SNTB1: variants seen among roughly 807,000 people sequenced by gnomAD.
The protein encoded by SNTB1 is syntrophin beta 1.
A neutral mutation model predicts 48.9 loss-of-function variants in SNTB1; 36 were observed. That is an observed-to-expected ratio of 0.74 (90% CI 0.56 to 0.97). SNTB1 has a LOEUF of 0.97. Among genes scored for constraint, SNTB1 ranks in the 50% least tolerant of loss-of-function variants. The pLI is 0.00. For missense variants in SNTB1, 786 were observed against 703.4 expected, an observed-to-expected ratio of 1.12 and a Z score of -1.33; for synonymous variants, 299 against 294.6, an observed-to-expected ratio of 1.01 and a Z score of -0.15.
intron 1 of SNTB1, among the ~76,000 whole-genome samples, chr8:120,792,703 T>C (rs1373423720): frequency 6.6e-6 from 1 of 152,004 alleles, no homozygotes; most frequent in Non-Finnish European, 1.5e-5. Context: ...GCTAAAATTG[T>C]AGCAAGTTTT....
intron 2 of SNTB1, among the ~76,000 whole-genome samples, chr8:120,693,246 T>C (rs1430565697): frequency 6.6e-6 from 1 of 152,092 alleles, no homozygotes; most frequent in African/African-American, 2.4e-5. Flanking sequence ...ATCTCCAACA[T>C]TGGGGATCAC....
chr8:120,737,049 G>C (rs191490649), intron 1 of SNTB1, among the ~76,000 whole-genome samples: 1 of 152,126 alleles, frequency 6.6e-6, no homozygotes, highest in South Asian at 2.1e-4. Flanking sequence ...ATGATGGAGC[G>C]GCAGTCCAAG....
At position 120,537,336 on chromosome 8, in the gene SNTB1, T is replaced by G. The variant is rs181047364; in HGVS notation, c.*1541A>C. 11 of 152,278 alleles carry G rather than the reference T, an allele frequency of 7.2e-5. No individual in the cohort carries two copies. The highest frequency in any genetic ancestry group is 2.4e-4 in the African/African-American group (10 of 41,568). 9.4% of individuals were successfully genotyped at this position (152,278 alleles called of 1,614,324 possible). ...TTTTTCAGCTCAGTATTTAGTAAAG[T>G]GTATTAACAAACCCCTGTCTCCCCC... On this transcript the variant is annotated 3_prime_UTR_variant, in exon 7 of 7. Transcript: ENST00000517992.
chr8:120,686,371 G>A (rs1818032270), intron 2 of SNTB1, among the ~76,000 whole-genome samples: 1 of 152,138 alleles, frequency 6.6e-6, no homozygotes, highest in South Asian at 2.1e-4. Context: ...CCAAGATTAA[G>A]GCACCACAGA....
chr8:120,708,254 G>A (rs1587104932), intron 1 of SNTB1, among the ~76,000 whole-genome samples: 1 of 151,590 alleles, frequency 6.6e-6, no homozygotes, highest in Admixed American at 6.6e-5. Flanking sequence ...GGTTAGTCTT[G>A]TAACTCTTAA....
intron 2 of SNTB1, among the ~76,000 whole-genome samples, chr8:120,659,254 A>G (rs9772850): frequency 0.85 from 128,909 of 152,088 alleles, 54,846 homozygotes; most frequent in Middle Eastern, 0.93. Context: ...GTGAGCCATC[A>G]TGCCTGGCTA....
chr8:120,643,614 G>A (rs1817233140), intron 2 of SNTB1, among the ~76,000 whole-genome samples: 1 of 152,174 alleles, frequency 6.6e-6, no homozygotes, highest in Non-Finnish European at 1.5e-5. Flanking sequence ...TTATATGACT[G>A]AGTAGTATTC....
chr8:120,803,865 T>C (rs187847775), intron 1 of SNTB1, among the ~76,000 whole-genome samples: 2 of 152,290 alleles, frequency 1.3e-5, no homozygotes, highest in Admixed American at 1.3e-4. Flanking sequence ...TATTCAGACT[T>C]GTAGGTCCCT....
chr8:120,653,828 A>C (rs1391801717), intron 2 of SNTB1, among the ~76,000 whole-genome samples: 1 of 151,868 alleles, frequency 6.6e-6, no homozygotes, highest in African/African-American at 2.4e-5. Context: ...TCACAAGGTC[A>C]GGAGATCGAG....
At chr8:120,696,109 A>G (rs1818207177) in intron 1 of SNTB1, among the ~76,000 whole-genome samples, 2 of 152,190 alleles carry the variant, frequency 1.3e-5, no homozygotes, top group Non-Finnish European at 2.9e-5. Context: ...AAGCTAGTAC[A>G]CTGCTTAGCT....
intron 1 of SNTB1, among the ~76,000 whole-genome samples, chr8:120,714,565 G>T (rs549551247): frequency 1.3e-5 from 2 of 151,430 alleles, no homozygotes; most frequent in Non-Finnish European, 2.9e-5. Flanking sequence ...CATTCCCAAA[G>T]ATTATTTGCA....
chr8:120,702,488 C>T (rs1258559665), intron 1 of SNTB1, among the ~76,000 whole-genome samples: 2 of 152,158 alleles, frequency 1.3e-5, no homozygotes, highest in African/African-American at 4.8e-5. Context: ...TTCTGGAAAA[C>T]TCCCTACATC....
intron 3 of SNTB1, among the ~76,000 whole-genome samples, chr8:120,625,782 C>T (rs1298296386): frequency 6.6e-6 from 1 of 152,140 alleles, no homozygotes; most frequent in East Asian, 1.9e-4. Context: ...CTACCATAAC[C>T]AATAGTCTTG....
chr8:120,632,496 GT>G lies in SNTB1; in HGVS notation c.943del (p.Thr315GlnfsTer34). On this transcript the variant is annotated frameshift_variant, in exon 3 of 7. Transcript: ENST00000517992. LOFTEE classifies it high-confidence loss of function. ...AATCTCTCGGCTCCCAGCAATGCCT[GT>G]TTTCCCCAGCTGCTCTCTGACCTCA... ...IAEVREQLGK[T>X]GIAGSREIRH... The G allele has an allele frequency of 6.2e-7, 1 of 1,614,144 alleles. No homozygotes were observed. The highest frequency in any genetic ancestry group is 8.5e-7 in the Non-Finnish European group (1 of 1,180,032).
At chr8:120,791,521 G>T (rs73325126) in intron 1 of SNTB1, among the ~76,000 whole-genome samples, 6,552 of 152,050 alleles carry the variant, frequency 0.043, 199 homozygotes, top group South Asian at 0.094. Context: ...CAGAATGGGA[G>T]AACATATTTG....
chr8:120,747,305 T>A (rs905024901), intron 1 of SNTB1, among the ~76,000 whole-genome samples: 9 of 152,160 alleles, frequency 5.9e-5, no homozygotes, highest in African/African-American at 2.2e-4. Context: ...ATTGATTTAT[T>A]TTTAAGACAG....
chr8:120,785,206 AC>A (rs1399699598), intron 1 of SNTB1, among the ~76,000 whole-genome samples: 1 of 152,164 alleles, frequency 6.6e-6, no homozygotes, highest in Non-Finnish European at 1.5e-5. Context: ...TATGACCAGA[AC>A]CATTGAGAGA....
intron 1 of SNTB1, among the ~76,000 whole-genome samples, chr8:120,737,326 A>T (rs55723447): frequency 0.13 from 19,990 of 152,124 alleles, 1,721 homozygotes; most frequent in African/African-American, 0.24. Flanking sequence ...GCATGAAAAA[A>T]CACTTTGTCG....
intron 2 of SNTB1, among the ~76,000 whole-genome samples, chr8:120,687,010 G>C (rs1430408698): frequency 6.6e-6 from 1 of 152,106 alleles, no homozygotes; most frequent in Non-Finnish European, 1.5e-5. Flanking sequence ...ACTTACAGAG[G>C]AGAAAAGACA....
Sources: gnomAD v4.1 joint callset for allele counts (sites outside exome capture counted in the v4.1 genomes callset) on GRCh38, gnomAD v4.1.1 for gene constraint, MANE v1.5 for transcripts, NCBI Gene and HGNC (gene_info 2026-07-23, HGNC 2026-07-21) for gene names.